ACAP2: variants seen among roughly 807,000 people sequenced by gnomAD.
The protein encoded by ACAP2 is ArfGAP with coiled-coil, ankyrin repeat and PH domains 2.
In ACAP2, 39 loss-of-function variants were observed where a neutral mutation model predicts 115.8. The observed-to-expected ratio is 0.34, with a 90% CI of 0.26 to 0.44. The LOEUF is 0.44. ACAP2 is among the 20% of genes least tolerant of loss of function. ACAP2 has a pLI of 1.00. For synonymous variants in ACAP2, 289 were observed against 315.8 expected (o/e 0.92, Z 0.90); for missense variants, 662 against 927.6 (o/e 0.71, Z 3.72).
At chr3:195,377,703 T>C (rs1266883124) in intron 4 of ACAP2, among the ~76,000 whole-genome samples, 1 of 150,854 alleles carries the variant, frequency 6.6e-6, no homozygotes, top group Non-Finnish European at 1.5e-5. Context: ...CCAGATAGAA[T>C]AGATGGTATA....
At position 195,432,458 on chromosome 3, in the gene ACAP2, T is replaced by C. The variant is rs75228262; in HGVS notation, c.53+10337A>G. Among the ~76,000 whole-genome samples the C allele has an allele frequency of 2.7e-3, 405 of 152,378 alleles. 3 individuals are homozygous for C. Among genetic ancestry groups the C allele is most frequent in the African/African-American group, 7.4e-3 (306 of 41,600 alleles). On this transcript the variant is annotated intron_variant, in intron 1 of 22. Coordinates refer to ENST00000326793, the MANE Select transcript of ACAP2 (RefSeq NM_012287.6). ...GTTCAAAAGACTATTCTTTCACGCA[T>C]TGAATTGTCTGGGTACCTCTGTTAA...
At chr3:195,302,294 A>T in intron 13 of ACAP2, 120 bp from the exon 14 acceptor site, 1 of 855,490 alleles carries the variant, frequency 1.2e-6, no homozygotes. Context: ...TACAGGCATA[A>T]GCAAGGCAAT....
At chr3:195,318,261 T>C (rs1729222449) in intron 10 of ACAP2, among the ~76,000 whole-genome samples, 1 of 152,176 alleles carries the variant, frequency 6.6e-6, no homozygotes, top group Non-Finnish European at 1.5e-5. Flanking sequence ...CATGGACTAA[T>C]ACAGAGAACT....
intron 5 of ACAP2, 23 bp downstream of exon 5, chr3:195,345,236 C>T (rs766046961): frequency 2.8e-5 from 44 of 1,566,196 alleles, no homozygotes; most frequent in Non-Finnish European, 3.5e-5. Context: ...AATTTTCTTT[C>T]CTCTTCACCG....
At chr3:195,416,964 G>GA (rs1713781807) in intron 1 of ACAP2, among the ~76,000 whole-genome samples, 2 of 151,032 alleles carry the variant, frequency 1.3e-5, no homozygotes, top group East Asian at 3.9e-4. Context: ...CACCCATGCT[G>GA]AAATACAGTG....
chr3:195,305,665 T>TA (rs1211689172), intron 13 of ACAP2, among the ~76,000 whole-genome samples: 1 of 152,198 alleles, frequency 6.6e-6, no homozygotes, highest in African/African-American at 2.4e-5. Flanking sequence ...AGTGTGATTC[T>TA]AGAGACAGAC....
At chr3:195,305,889 G>A (rs1194983534) in intron 13 of ACAP2, among the ~76,000 whole-genome samples, 2 of 151,764 alleles carry the variant, frequency 1.3e-5, no homozygotes, top group East Asian at 1.9e-4. Flanking sequence ...AGTTGGCCAC[G>A]GTAAGTTTTG....
intron 21 of ACAP2, among the ~76,000 whole-genome samples, chr3:195,288,264 T>C (rs997625724): frequency 6.6e-5 from 10 of 152,196 alleles, no homozygotes; most frequent in African/African-American, 2.2e-4. Flanking sequence ...AAATTATCTA[T>C]GGCTTGGCTT....
At chr3:195,398,988 A>C (rs959816633) in intron 1 of ACAP2, among the ~76,000 whole-genome samples, 5 of 152,176 alleles carry the variant, frequency 3.3e-5, no homozygotes, top group African/African-American at 1.2e-4. Context: ...TCAAGACCTA[A>C]CATTCCATTA....
chr3:195,417,434 C>T (rs1295777162), intron 1 of ACAP2, among the ~76,000 whole-genome samples: 1 of 152,074 alleles, frequency 6.6e-6, no homozygotes, highest in African/African-American at 2.4e-5. Flanking sequence ...CTTCCTCATG[C>T]CCCATATCCA....
Position 195,333,053 on chromosome 3 carries a change from G to A in ACAP2, c.644C>T (p.Pro215Leu), listed in dbSNP as rs765479196. 1.9e-6 allele frequency: 3 copies of A among 1,608,882 alleles called. No homozygotes were observed. Residue 215 changes from proline to leucine, a missense_variant, in exon 8 of 23, where the codon CCC becomes CTC. Physicochemically the swap from Pro to Leu is moderately conservative, Grantham distance 98. Around this residue, in one of 3 missense-constraint regions of ACAP2, gnomAD observed 401 missense variants for 604.4 expected, o/e 0.66. Transcript: ENST00000326793. The stretch of plus-strand genomic sequence containing the variant: ...CTGTGCACCAAGATCCTTCATGTAG[G>A]GTCCAAGTTCACTAAACAGATCATA... ...QGYDLFSELG[P>L]YMKDLGAQLD...
intron 22 of ACAP2, 108 bp from the exon 23 acceptor site, chr3:195,279,536 G>T: frequency 1.7e-6 from 1 of 601,330 alleles, no homozygotes; most frequent in Non-Finnish European, 2.5e-6. Flanking sequence ...TTAAAATTTT[G>T]TTCAGATGAG....
At chr3:195,340,968 G>C (rs1039661348) in intron 6 of ACAP2, among the ~76,000 whole-genome samples, 1 of 152,066 alleles carries the variant, frequency 6.6e-6, no homozygotes, top group Non-Finnish European at 1.5e-5. Flanking sequence ...GTTTTGCCAA[G>C]TTACCTAAGT....
Position 195,363,502 on chromosome 3 carries a change from C to T in ACAP2, c.285+17507G>A, listed in dbSNP as rs560330908. ...TACTAAAAATACAAAATTAACTAGG[C>T]GTGGTGGCACGCACCTGTGGTCCCA... is the stretch of plus-strand genomic sequence containing the variant. On this transcript the variant is annotated intron_variant, in intron 4 of 22. Transcript: ENST00000326793. 1.1e-4 allele frequency among the ~76,000 whole-genome samples: 16 copies of T among 151,944 alleles called. No individual in the cohort carries two copies. In the East Asian group the frequency reaches 2.5e-3, roughly 24 times the overall value.
At position 195,297,278 on chromosome 3, in the gene ACAP2, T is replaced by C. The variant is rs773148966; in HGVS notation, c.1399A>G (p.Met467Val). Residue 467 changes from methionine to valine, a missense_variant, in exon 16 of 23, where the codon ATG (methionine) becomes GTG (valine). Physicochemically the swap from Met to Val is conservative, Grantham distance 21. This residue lies in a region of ACAP2 where 401 missense variants were observed against 604.4 expected (regional missense o/e 0.66). Transcript: ENST00000326793. ...ATAACATCATTCCCCAACTCACACATAAGCTGTTTGGCAAAAAAAAATAGA... is the reference window on the plus strand; with the variant it reads ...ATAACATCATTCCCCAACTCACACACAAGCTGTTTGGCAAAAAAAAATAGA... ...DTWEPELLKL[M>V]CELGNDVINR... is the part of the protein sequence containing the mutation. 1 of 1,609,426 alleles carries C rather than the reference T, an allele frequency of 6.2e-7. No homozygotes were observed. Among genetic ancestry groups the C allele is most frequent in the Non-Finnish European group, 8.5e-7 (1 of 1,178,746 alleles).
chr3:195,322,737 T>C (rs1729531739), intron 9 of ACAP2, among the ~76,000 whole-genome samples: 1 of 152,226 alleles, frequency 6.6e-6, no homozygotes, highest in Non-Finnish European at 1.5e-5. Flanking sequence ...AAAGGTTTCA[T>C]TTGTAACATC....
intron 18 of ACAP2, among the ~76,000 whole-genome samples, chr3:195,293,995 C>T (rs1324072177): frequency 2.0e-5 from 3 of 151,214 alleles, no homozygotes; most frequent in Admixed American, 6.6e-5. Context: ...AAAAATTAGC[C>T]AGGCATGGTG....
rs140347016 is a variant in ACAP2 at position 195,312,142 on chromosome 3, C to T, written c.858-3305G>A. 1.5e-4 allele frequency among the ~76,000 whole-genome samples: 23 copies of T among 152,114 alleles called. No homozygotes were observed. In the East Asian group the frequency reaches 4.2e-3, roughly 28 times the overall value. On this transcript the variant is annotated intron_variant, in intron 10 of 22. Transcript: ENST00000326793. ...CCCAGACTGCTCTTGTAATCAAGAA[C>T]ATGAGTAAAAGTCAAACTTCTAAAT...
rs949364734 is a variant in ACAP2 at position 195,294,878 on chromosome 3, A to G, written c.1673-67T>C. On this transcript the variant is annotated intron_variant, in intron 17 of 22. Coordinates refer to ENST00000326793, the MANE Select transcript of ACAP2 (RefSeq NM_012287.6). ...ATTTAGAAAACAATCTCCCACAAAC[A>G]AGGTTTTAAAATGAGCTCTTACACA... is the stretch of plus-strand genomic sequence containing the variant. 6 of 1,010,702 alleles carry G rather than the reference A, an allele frequency of 5.9e-6. No homozygotes were observed. The African/African-American group carries it at 8.0e-5, about 13-fold the overall frequency. 62.6% of individuals were successfully genotyped at this position (1,010,702 alleles called of 1,614,324 possible).
Sources: gnomAD v4.1 joint callset for allele counts (sites outside exome capture counted in the v4.1 genomes callset) on GRCh38, gnomAD v4.1.1 for gene constraint, gnomAD v4.1.1 regional missense constraint, MANE v1.5 for transcripts, NCBI Gene and HGNC (gene_info 2026-07-23, HGNC 2026-07-21) for gene names.